Variants in PLXNB2 observed in about 807,000 individuals in gnomAD.
PLXNB2 encodes the protein plexin-B2.
A neutral mutation model predicts 202.6 loss-of-function variants in PLXNB2; 85 were observed. The ratio of observed to expected loss-of-function variants is 0.42; its 90% confidence interval spans 0.35 to 0.50. The LOEUF (loss-of-function observed/expected upper bound fraction) is 0.50. PLXNB2 is among the 20% of genes least tolerant of loss of function. PLXNB2 has a pLI of 0.02. For missense variants in PLXNB2, 2,063 were observed against 2,586.2 expected (o/e 0.80, Z 4.39); for synonymous variants, 1,239 against 1,137.6 (o/e 1.09, Z -1.79).
Position 50,281,350 on chromosome 22 carries a change from G to A in PLXNB2, c.3662+10C>T, listed in dbSNP as rs1209427979. 3 of 1,611,242 alleles carry A rather than the reference G, an allele frequency of 1.9e-6. No homozygotes were observed. The highest frequency in any genetic ancestry group is 2.5e-6 in the Non-Finnish European group (3 of 1,179,392). ...CTCAGGGTGTTGGCACAGCCGGGGGGCGGGCTCACCAGTAGCAGTAGACAG... is the reference window on the plus strand; with the variant it reads ...CTCAGGGTGTTGGCACAGCCGGGGGACGGGCTCACCAGTAGCAGTAGACAG... On this transcript the variant is annotated intron_variant, in intron 22 of 36. Transcript: ENST00000359337.
chr22:50,286,380 T>A lies in PLXNB2; in HGVS notation c.1763-93A>T, dbSNP rs531204453. 69 of 830,288 alleles carry A rather than the reference T, an allele frequency of 8.3e-5. No homozygotes were observed. In the East Asian group the frequency reaches 1.5e-3, roughly 18 times the overall value. The allele number at this position is 830,288 out of a possible 1,614,324, so 51.4% of individuals were successfully genotyped here. On this transcript the variant is annotated intron_variant, in intron 8 of 36. Coordinates refer to ENST00000359337, the MANE Select transcript of PLXNB2 (RefSeq NM_012401.4). Reference sequence around the variant, plus strand: ...CTGGGGCTGACTCCTGGGGCCAAGGTGGAGACCCCTGGTCTTCAGGGGGCC... The same window carrying A: ...CTGGGGCTGACTCCTGGGGCCAAGGAGGAGACCCCTGGTCTTCAGGGGGCC...
chr22:50,281,034 C>T, intron 23 of PLXNB2, 55 bp downstream of exon 23: 1 of 1,600,548 alleles, frequency 6.2e-7, no homozygotes, highest in Non-Finnish European at 8.6e-7. Flanking sequence ...CCACGCTACA[C>T]ACAGCATCCC....
At position 50,278,281 on chromosome 22, in the gene PLXNB2, G is replaced by A. The variant is rs2065752746; in HGVS notation, c.4733-10C>T. 6.2e-7 allele frequency: 1 copy of A among 1,610,558 alleles called. No homozygotes were observed. Among genetic ancestry groups the A allele is most frequent in the Non-Finnish European group, 8.5e-7 (1 of 1,179,682 alleles). ...TCCAGGAGGGCATGGCCTGTGGGGA[G>A]CGGGCACTGAGGGACCCCTACCCAG... On this transcript the variant is annotated splice_polypyrimidine_tract_variant and intron_variant, in intron 30 of 36. Transcript: ENST00000359337.
Position 50,289,177 on chromosome 22 carries a change from C to T in PLXNB2, c.1069-35G>A. On this transcript the variant is annotated intron_variant, in intron 3 of 36. Coordinates refer to ENST00000359337, the MANE Select transcript of PLXNB2 (RefSeq NM_012401.4). The surrounding 1 kb of genome is among the most constrained non-coding windows in gnomAD (Gnocchi z 8.0). The stretch of plus-strand genomic sequence containing the variant: ...ACAGCGTGTCAATGGCAGGCAGACC[C>T]CCTGTCCTGAAGGGCCCTCTCCACT... The T allele has an allele frequency of 4.0e-6, 6 of 1,513,512 alleles. No individual in the cohort carries two copies. Among genetic ancestry groups the T allele is most frequent in the Non-Finnish European group, 5.3e-6 (6 of 1,130,902 alleles). The allele number at this position is 1,513,512 out of a possible 1,614,324, so 93.8% of individuals were successfully genotyped here. A position where few individuals can be genotyped will look rare whatever the true frequency, so the allele number is the denominator to read the frequency against.
chr22:50,302,897 T>C (rs2067761500), intron 1 of PLXNB2, among the ~76,000 whole-genome samples: 1 of 152,012 alleles, frequency 6.6e-6, no homozygotes, highest in Non-Finnish European at 1.5e-5. Context: ...GTGCCCTCCA[T>C]CTCCTCCAAA....
At chr22:50,286,930 G>A (rs1318780595) in intron 8 of PLXNB2, among the ~76,000 whole-genome samples, 181 bp downstream of exon 8, 1 of 152,196 alleles carries the variant, frequency 6.6e-6, no homozygotes, top group East Asian at 1.9e-4. Flanking sequence ...CAAGAAGCCA[G>A]AACCTCCCCA....
chr22:50,283,682 G>C lies in PLXNB2; in HGVS notation c.2490C>G (p.Val830=), dbSNP rs1488537222. ...AGATCCTCTGGATGTCCCCTGCTTG[G>C]ACGCCCAAATTGGACCCCAGGATGG... The part of the protein sequence containing the change: ...RITILGSNLG[V]QAGDIQRISV... The change falls in exon 15 of 37, where the codon GTC becomes GTG. Residue 830 remains valine, a synonymous_variant. Transcript: ENST00000359337. 6.2e-7 allele frequency: 1 copy of C among 1,613,142 alleles called. No individual in the cohort carries two copies.
At chr22:50,300,175 G>A (rs998606788) in intron 1 of PLXNB2, 9 of 734,008 alleles carry the variant, frequency 1.2e-5, no homozygotes, top group Non-Finnish European at 1.5e-5. Flanking sequence ...CAGGCCGGGG[G>A]CCCAGGACGC....
In PLXNB2 at chr22:50,282,241, C is replaced by T. The variant is rs773783117; in HGVS notation, c.3060G>A (p.Ala1020=). 4.3e-5 allele frequency: 69 copies of T among 1,612,236 alleles called. No individual in the cohort carries two copies. The highest frequency in any genetic ancestry group is 6.6e-5 in the South Asian group (6 of 91,058). ...LIQRFAMVVI[A]EPLQSWQPPR... ...GCGGCTGCCAGGACTGCAGGGGCTCCGCGATGACCACCATGGCAAACCTCT... is the reference window on the plus strand; with the variant it reads ...GCGGCTGCCAGGACTGCAGGGGCTCTGCGATGACCACCATGGCAAACCTCT... The change falls in exon 19 of 37, where the codon GCG becomes GCA. Residue 1020 remains alanine (A), a synonymous_variant. Transcript: ENST00000359337.
chr22:50,295,327 A>T (rs1422571760), intron 1 of PLXNB2, among the ~76,000 whole-genome samples: 2 of 148,346 alleles, frequency 1.3e-5, no homozygotes, highest in Non-Finnish European at 3.0e-5. Context: ...AAAAAAAAAA[A>T]GTTGCTTTCT....
Position 50,289,224 on chromosome 22 carries a change from G to A in PLXNB2, c.1069-82C>T. The stretch of plus-strand genomic sequence containing the variant: ...CACTCGCGCTCCAAGACTCGGGACA[G>A]GCCCTTCCCTTCCCTCCGGCACACG... On this transcript the variant is annotated intron_variant, in intron 3 of 36. Transcript: ENST00000359337. This position sits in a 1 kb window ranked among gnomAD's most constrained non-coding sequence, Gnocchi z 8.0. 2.4e-6 allele frequency: 3 copies of A among 1,276,046 alleles called. No homozygotes were observed. Among genetic ancestry groups the A allele is most frequent in the Non-Finnish European group, 2.1e-6 (2 of 946,878 alleles). 79.0% of individuals were successfully genotyped at this position (1,276,046 alleles called of 1,614,324 possible). A position where few individuals can be genotyped will look rare whatever the true frequency, so the allele number is the denominator to read the frequency against.
chr22:50,282,043 C>T lies in PLXNB2; in HGVS notation c.3156G>A (p.Lys1052=), dbSNP rs964359162. ...GCACAGCCGGGGACAGGAAGACGAC[C>T]TTGGTGTCATTGTGGAACACGTAGT... ...GTDYVFHNDT[K]VVFLSPAVPE... is the part of the protein sequence containing the mutation. The change falls in exon 20 of 37, where the codon AAG becomes AAA. Residue 1052 remains lysine, a synonymous_variant. Transcript: ENST00000359337. 1.2e-6 allele frequency: 2 copies of T among 1,612,652 alleles called. No individual in the cohort carries two copies. Among genetic ancestry groups the T allele is most frequent in the African/African-American group, 2.7e-5 (2 of 74,938 alleles).
At position 50,282,881 on chromosome 22, in the gene PLXNB2, C is replaced by T; in HGVS notation, c.2817G>A (p.Val939=). ...ACTGGAGCTGCGCCCCAAACTTCGT[C>T]CTGGGGGAGGGAGGGTGCTGGTCTG... ...RVTLNGVPCK[V]TKFGAQLQCV... Residue 939 remains valine, a splice_region_variant and synonymous_variant, in exon 18 of 37, where the codon GTG becomes GTA. Transcript: ENST00000359337. 2 of 1,607,776 alleles carry T rather than the reference C, an allele frequency of 1.2e-6. No homozygotes were observed. Among genetic ancestry groups the T allele is most frequent in the Non-Finnish European group, 1.7e-6 (2 of 1,176,380 alleles).
At chr22:50,302,564 C>T (rs75438314) in intron 1 of PLXNB2, among the ~76,000 whole-genome samples, 4,248 of 152,252 alleles carry the variant, frequency 0.028, 225 homozygotes, top group African/African-American at 0.097. Context: ...GGCGGCCTGC[C>T]TGGGGCGCCC....
Position 50,284,274 on chromosome 22 carries a change from G to T in PLXNB2, c.2182-61C>A. 1 of 1,485,996 alleles carries T rather than the reference G, an allele frequency of 6.7e-7. No individual in the cohort carries two copies. The highest frequency in any genetic ancestry group is 9.4e-7 in the Non-Finnish European group (1 of 1,067,096). The allele number at this position is 1,485,996 out of a possible 1,614,324, so 92.1% of individuals were successfully genotyped here. A position where few individuals can be genotyped will look rare whatever the true frequency, so the allele number is the denominator to read the frequency against. The stretch of plus-strand genomic sequence containing the variant: ...CCCCACAGAGGGGCGTGGGGCGGGG[G>T]TCACAAGGGCAGCCTCCCTGTGGCC... On this transcript the variant is annotated intron_variant, in intron 12 of 36. Transcript: ENST00000359337. The surrounding 1 kb of genome is among the most constrained non-coding windows in gnomAD (Gnocchi z 8.0).
In PLXNB2 at chr22:50,284,087, C is replaced by A. The variant is rs1217544731; in HGVS notation, c.2263+45G>T. Reference sequence around the variant, plus strand: ...CTGTCCCCCCACCCACCGCCTTGTGCCCACCCGTCCCCTGCCCGCCCCCCA... The same window carrying A: ...CTGTCCCCCCACCCACCGCCTTGTGACCACCCGTCCCCTGCCCGCCCCCCA... On this transcript the variant is annotated intron_variant, in intron 13 of 36. Coordinates refer to ENST00000359337, the MANE Select transcript of PLXNB2 (RefSeq NM_012401.4). This position sits in a 1 kb window ranked among gnomAD's most constrained non-coding sequence, Gnocchi z 8.0. 3.6e-6 allele frequency: 3 copies of A among 842,830 alleles called. No individual in the cohort carries two copies. In the Admixed American group the frequency reaches 6.2e-5, roughly 17 times the overall value. 52.2% of individuals were successfully genotyped at this position (842,830 alleles called of 1,614,324 possible).
Position 50,286,177 on chromosome 22 carries a change from G to A in PLXNB2, c.1873C>T (p.Leu625=). The change falls in exon 9 of 37, where the codon CTG becomes TTG. Residue 625 remains leucine, a synonymous_variant. Coordinates refer to ENST00000359337, the MANE Select transcript of PLXNB2 (RefSeq NM_012401.4). ...CRQAMSLEEN[L]PCISCVSNRW... ...CGATGGGCACAAGACACTCACGGCA[G>A]GTTCTCCTCCAGGCTCATGGCCTGG... The A allele has an allele frequency of 6.2e-7, 1 of 1,612,676 alleles. No individual in the cohort carries two copies. The highest frequency in any genetic ancestry group is 8.5e-7 in the Non-Finnish European group (1 of 1,179,352).
chr22:50,280,403 C>G, intron 25 of PLXNB2, 86 bp downstream of exon 25: 1 of 1,322,750 alleles, frequency 7.6e-7, no homozygotes, highest in Non-Finnish European at 1.0e-6. Flanking sequence ...GGGGGCCCAA[C>G]AGGCCGCTGT....
At chr22:50,301,357 G>A (rs1023033347) in intron 1 of PLXNB2, 11 of 982,076 alleles carry the variant, frequency 1.1e-5, no homozygotes, top group East Asian at 1.1e-4. Flanking sequence ...CGATGTCTCC[G>A]TGCTTCCTGA....
Sources: gnomAD v4.1 joint callset for allele counts (sites outside exome capture counted in the v4.1 genomes callset) on GRCh38, gnomAD v4.1.1 for gene constraint, Gnocchi (gnomAD v3.1) non-coding constraint, MANE v1.5 for transcripts, NCBI Gene and HGNC (gene_info 2026-07-23, HGNC 2026-07-21) for gene names.